SYBU: variants seen among roughly 807,000 people sequenced by gnomAD.
SYBU encodes syntabulin.
A neutral mutation model predicts 35.9 loss-of-function variants in SYBU; 21 were observed. The ratio of observed to expected loss-of-function variants is 0.58; its 90% confidence interval spans 0.41 to 0.84. SYBU has a LOEUF of 0.84. SYBU is among the 40% of genes least tolerant of loss of function. The pLI is 0.00. For synonymous variants in SYBU, 319 were observed against 324.3 expected (o/e 0.98, Z 0.18); for missense variants, 768 against 848.2 (o/e 0.91, Z 1.17).
At chr8:109,685,489 A>G (rs984262888), upstream of SYBU, among the ~76,000 whole-genome samples, 2 of 152,214 alleles carry the variant, frequency 1.3e-5, no homozygotes, top group South Asian at 2.1e-4. Context: ...TGTGTTACAT[A>G]CTTGAGATAA....
At chr8:109,679,977 T>C (rs10099504) in intron 1 of SYBU, among the ~76,000 whole-genome samples, 13,478 of 152,126 alleles carry the variant, frequency 0.089, 678 homozygotes, top group East Asian at 0.12. Flanking sequence ...ATATACTTGA[T>C]AGTTTAGCAA....
intron 3 of SYBU, among the ~76,000 whole-genome samples, chr8:109,615,709 A>C (rs1178817345): frequency 1.3e-5 from 2 of 152,178 alleles, no homozygotes; most frequent in Non-Finnish European, 2.9e-5. Flanking sequence ...GAGCAATTAC[A>C]TTAGAAGCAG....
chr8:109,584,107 C>T lies in SYBU; in HGVS notation c.530+1953G>A, dbSNP rs187765029. On this transcript the variant is annotated intron_variant, in intron 4 of 6. Transcript: ENST00000276646. This position sits in a 1 kb window ranked among gnomAD's most constrained non-coding sequence, Gnocchi z 4.0. ...GTGCTGGGATTATAGGCATGAGCCA[C>T]TGTGCATGGCTGAGATTTTTAAAAA... is the stretch of plus-strand genomic sequence containing the variant. Among the ~76,000 whole-genome samples the T allele has an allele frequency of 6.4e-4, 98 of 152,208 alleles. No homozygotes were observed. Among genetic ancestry groups the T allele is most frequent in the Non-Finnish European group, 1.0e-3 (69 of 68,010 alleles).
intron 2 of SYBU, among the ~76,000 whole-genome samples, chr8:109,632,745 T>A (rs1459390240): frequency 6.6e-6 from 1 of 152,198 alleles, no homozygotes; most frequent in African/African-American, 2.4e-5. Flanking sequence ...TGAAATTTAG[T>A]CTCATAGACA....
chr8:109,647,698 T>G (rs1815850667), upstream of SYBU: 1 of 152,248 alleles, frequency 6.6e-6, no homozygotes, highest in South Asian at 2.1e-4. Context: ...TGAAAATGAT[T>G]CAGATAAAGC....
intron 3 of SYBU, chr8:109,603,399 T>C (rs1825750644): frequency 2.0e-6 from 2 of 985,290 alleles, no homozygotes; most frequent in Non-Finnish European, 2.4e-6. Flanking sequence ...CTGCATTTCC[T>C]TGGACTCCTT....
intron 1 of SYBU, among the ~76,000 whole-genome samples, chr8:109,656,230 T>A (rs899211193): frequency 6.6e-6 from 1 of 152,208 alleles, no homozygotes. Context: ...TTAAATATAC[T>A]TTGAGAGTAG....
chr8:109,593,827 C>A (rs1412415927), intron 3 of SYBU, among the ~76,000 whole-genome samples: 2 of 152,228 alleles, frequency 1.3e-5, no homozygotes, highest in African/African-American at 4.8e-5. Flanking sequence ...GTCCAACGGG[C>A]AGCCCTTCCC....
intron 3 of SYBU, among the ~76,000 whole-genome samples, chr8:109,614,939 C>T (rs1325212819): frequency 6.6e-6 from 1 of 152,250 alleles, no homozygotes; most frequent in Non-Finnish European, 1.5e-5. Context: ...GCTGCCGGGC[C>T]CTGTTGGCAA....
chr8:109,654,556 G>A (rs1276387681), intron 1 of SYBU, among the ~76,000 whole-genome samples: 1 of 151,954 alleles, frequency 6.6e-6, no homozygotes, highest in African/African-American at 2.4e-5. Context: ...TCCCTCTTGG[G>A]GCAATATCTT....
chr8:109,618,826 G>A lies in SYBU; in HGVS notation c.427+16C>T, dbSNP rs770659624. 6.2e-6 allele frequency: 10 copies of A among 1,610,892 alleles called. No individual in the cohort carries two copies. Among genetic ancestry groups the A allele is most frequent in the African/African-American group, 2.7e-5 (2 of 74,886 alleles). ...CACATTGTTCTGATGAAAACATGAC[G>A]AGTAAGTTCACTGACCTGGTTTCAC... On this transcript the variant is annotated intron_variant, in intron 3 of 6. Coordinates refer to ENST00000276646, the MANE Select transcript of SYBU (RefSeq NM_001099754.2).
intron 2 of SYBU, among the ~76,000 whole-genome samples, chr8:109,635,975 A>T (rs1426710136): frequency 2.0e-5 from 3 of 152,222 alleles, no homozygotes; most frequent in Non-Finnish European, 4.4e-5. Flanking sequence ...TTTAAAATTC[A>T]GAATATGTTT....
intron 2 of SYBU, among the ~76,000 whole-genome samples, chr8:109,625,781 TCTCA>T (rs970841510): frequency 9.2e-5 from 14 of 152,222 alleles, no homozygotes; most frequent in African/African-American, 3.1e-4. Flanking sequence ...TTTTAATTTT[TCTCA>T]CTGTTATTAA....
chr8:109,658,913 C>T (rs1450220645), intron 1 of SYBU, among the ~76,000 whole-genome samples: 4 of 151,838 alleles, frequency 2.6e-5, no homozygotes, highest in Non-Finnish European at 5.9e-5. Flanking sequence ...GAGATTGCGC[C>T]ACACTGCACT....
upstream of SYBU, chr8:109,645,522 G>C (rs959567196): frequency 1.4e-5 from 5 of 348,648 alleles, no homozygotes; most frequent in South Asian, 1.1e-4. Flanking sequence ...CACTGCTAAG[G>C]GAAGAGCACT....
intron 2 of SYBU, among the ~76,000 whole-genome samples, chr8:109,623,749 T>C (rs1035438292): frequency 6.6e-6 from 1 of 152,200 alleles, no homozygotes; most frequent in Non-Finnish European, 1.5e-5. Flanking sequence ...TCATTTTAAA[T>C]GTACTTGCTA....
At chr8:109,674,286 A>C (rs112772869) in intron 1 of SYBU, among the ~76,000 whole-genome samples, 2,264 of 151,904 alleles carry the variant, frequency 0.015, 37 homozygotes, top group African/African-American at 0.052. Context: ...AGCCCAAGAG[A>C]AAGGTCAGGT....
intron 3 of SYBU, among the ~76,000 whole-genome samples, chr8:109,596,423 C>G (rs1392388500): frequency 6.6e-6 from 1 of 152,170 alleles, no homozygotes; most frequent in Non-Finnish European, 1.5e-5. Context: ...ATCACAAAAA[C>G]TAGAACAGTG....
intron 2 of SYBU, among the ~76,000 whole-genome samples, chr8:109,629,314 C>A (rs528110331): frequency 6.6e-6 from 1 of 152,288 alleles, no homozygotes; most frequent in Non-Finnish European, 1.5e-5. Flanking sequence ...TATTAACTAC[C>A]AAGCACTGTT....
Sources: allele counts gnomAD v4.1 joint callset (sites outside exome capture counted in the v4.1 genomes callset), GRCh38; gene constraint gnomAD v4.1.1; non-coding constraint Gnocchi (gnomAD v3.1); transcripts MANE v1.5; gene names NCBI Gene and HGNC (gene_info 2026-07-23, HGNC 2026-07-21).